NSUN3: variants seen among roughly 807,000 people sequenced by gnomAD.
NSUN3 encodes NOP2/Sun RNA methyltransferase 3.
NSUN3 carries 24 observed loss-of-function variants against 36.8 expected under a neutral mutation model. The ratio of observed to expected loss-of-function variants is 0.65; its 90% confidence interval spans 0.47 to 0.92. The LOEUF is 0.92. NSUN3 is among the 40% of genes least tolerant of loss of function. NSUN3 has a pLI of 0.00. For missense variants in NSUN3, 381 were observed against 392.8 expected (o/e 0.97, Z 0.25); for synonymous variants, 146 against 145.2 (o/e 1.01, Z -0.04).
chr3:94,085,372 T>C (rs2077287644), intron 3 of NSUN3: 1 of 152,240 alleles, frequency 6.6e-6, no homozygotes, highest in Non-Finnish European at 1.5e-5. Context: ...TACCTACTAC[T>C]AGAAGAGGCA....
chr3:94,068,582 A>G (rs2077213883), intron 2 of NSUN3, among the ~76,000 whole-genome samples: 1 of 152,202 alleles, frequency 6.6e-6, no homozygotes, highest in African/African-American at 2.4e-5. Flanking sequence ...TGTATGATTA[A>G]TTGGATAATT....
chr3:94,083,913 C>G (rs2077281451), intron 2 of NSUN3, among the ~76,000 whole-genome samples, 194 bp from the exon 3 acceptor site: 1 of 151,994 alleles, frequency 6.6e-6, no homozygotes, highest in Admixed American at 6.6e-5. Flanking sequence ...AAGACAGGAT[C>G]ATAACAATGC....
At chr3:94,069,405 G>A (rs138280237) in intron 2 of NSUN3, among the ~76,000 whole-genome samples, 1 of 152,286 alleles carries the variant, frequency 6.6e-6, no homozygotes, top group Admixed American at 6.5e-5. Flanking sequence ...TTTTAAAAGA[G>A]TTGAATGAGC....
intron 2 of NSUN3, among the ~76,000 whole-genome samples, chr3:94,074,867 A>T (rs371631065): frequency 3.3e-4 from 50 of 152,256 alleles, no homozygotes; most frequent in East Asian, 1.5e-3. Context: ...GAGAGAGGGC[A>T]TTCTTGTCTT....
intron 5 of NSUN3, among the ~76,000 whole-genome samples, chr3:94,103,310 G>A (rs969573431): frequency 6.6e-6 from 1 of 152,066 alleles, no homozygotes; most frequent in Admixed American, 6.6e-5. Flanking sequence ...CTATAATAGA[G>A]AGAACAGTTA....
At chr3:94,103,716 T>C (rs1401784094) in intron 5 of NSUN3, among the ~76,000 whole-genome samples, 2 of 152,178 alleles carry the variant, frequency 1.3e-5, no homozygotes, top group African/African-American at 4.8e-5. Context: ...CCTTCATTTA[T>C]TCAGGTAGTT....
chr3:94,110,112 G>A (rs2077409757), intron 5 of NSUN3, among the ~76,000 whole-genome samples: 1 of 151,966 alleles, frequency 6.6e-6, no homozygotes, highest in South Asian at 2.1e-4. Context: ...TTTTGCTTTT[G>A]GCTTAACTCC....
At chr3:94,095,409 T>C (rs1203325860) in intron 5 of NSUN3, among the ~76,000 whole-genome samples, 2 of 152,242 alleles carry the variant, frequency 1.3e-5, no homozygotes, top group African/African-American at 2.4e-5. Flanking sequence ...GCAATTTTAC[T>C]GTAGTTCAAA....
chr3:94,098,917 T>C lies in NSUN3; in HGVS notation c.743+3763T>C, dbSNP rs544213450. 6.6e-5 allele frequency among the ~76,000 whole-genome samples: 10 copies of C among 152,270 alleles called. No individual in the cohort carries two copies. In the South Asian group the frequency reaches 2.1e-3, roughly 32 times the overall value. ...TGTCAGTTCCTCTGCTACTCAATTA[T>C]CTAGTACGTGCCTCTCTTTTTGACA... On this transcript the variant is annotated intron_variant, in intron 5 of 5. Coordinates refer to ENST00000314622, the MANE Select transcript of NSUN3 (RefSeq NM_022072.5).
Position 94,127,869 on chromosome 3 carries a change from T to C in NSUN3, c.*1379T>C, listed in dbSNP as rs2107277851. 1 of 152,312 alleles carries C rather than the reference T, an allele frequency of 6.6e-6. No homozygotes were observed. Among genetic ancestry groups the C allele is most frequent in the Non-Finnish European group, 1.5e-5 (1 of 68,026 alleles). 9.4% of individuals were successfully genotyped at this position (152,312 alleles called of 1,614,324 possible). A position where few individuals can be genotyped will look rare whatever the true frequency, so the allele number is the denominator to read the frequency against. On this transcript the variant is annotated 3_prime_UTR_variant, in exon 6 of 6. Coordinates refer to ENST00000314622, the MANE Select transcript of NSUN3 (RefSeq NM_022072.5). ...GGAAGTCTTAGGAAGAATTTTTTTT[T>C]CTGTACCTTCAGTCTGTTAATCATT...
At chr3:94,084,832 C>A in intron 3 of NSUN3, 1 of 168,906 alleles carries the variant, frequency 5.9e-6, no homozygotes, top group Non-Finnish European at 1.3e-5. Context: ...TTTTTGATGT[C>A]AATAGACTAT....
rs542742411 is a variant in NSUN3, at chr3:94,090,463, G to A, written c.467-3677G>A. 5.9e-5 allele frequency among the ~76,000 whole-genome samples: 9 copies of A among 152,148 alleles called. No individual in the cohort carries two copies. The South Asian group carries it at 6.2e-4, about 11-fold the overall frequency. ...TGAAAAGCTGCCCTGATCTTCAGTC[G>A]TAATAATTTAAATATTCATTATTAT... On this transcript the variant is annotated intron_variant, in intron 3 of 5. Coordinates refer to ENST00000314622, the MANE Select transcript of NSUN3 (RefSeq NM_022072.5).
chr3:94,108,321 C>T (rs893891926), intron 5 of NSUN3, among the ~76,000 whole-genome samples: 7 of 152,060 alleles, frequency 4.6e-5, no homozygotes, highest in Non-Finnish European at 8.8e-5. Flanking sequence ...TCTTCCTGAC[C>T]TGCCTCTTAA....
chr3:94,118,629 A>T (rs753116638), intron 5 of NSUN3, among the ~76,000 whole-genome samples: 3 of 152,102 alleles, frequency 2.0e-5, no homozygotes, highest in Admixed American at 6.6e-5. Context: ...TTAATAGAGG[A>T]TACTATACTA....
intron 3 of NSUN3, among the ~76,000 whole-genome samples, chr3:94,087,192 T>A (rs2107249500): frequency 6.6e-6 from 1 of 152,340 alleles, no homozygotes; most frequent in East Asian, 1.9e-4. Flanking sequence ...GAAGTACAGA[T>A]GTCTTCATGC....
chr3:94,080,507 A>G (rs1485789412), intron 2 of NSUN3, among the ~76,000 whole-genome samples: 1 of 152,180 alleles, frequency 6.6e-6, no homozygotes, highest in Non-Finnish European at 1.5e-5. Flanking sequence ...AGCTGTGCCC[A>G]CAGCCGCCCC....
At position 94,084,221 on chromosome 3, in the gene NSUN3, G is replaced by A. The variant is rs577399999; in HGVS notation, c.237G>A (p.Gln79=). Reference sequence around the variant, plus strand: ...TGAAGGGCTATCACACACTCTCTCAGGGATCTTTACCCAACTATCCTAAAT... The same window carrying A: ...TGAAGGGCTATCACACACTCTCTCAAGGATCTTTACCCAACTATCCTAAAT... The part of the protein sequence containing the change: ...LHLKGYHTLS[Q]GSLPNYPKSV... Residue 79 remains glutamine, a synonymous_variant, in exon 3 of 6, where the codon CAG becomes CAA. Coordinates refer to ENST00000314622, the MANE Select transcript of NSUN3 (RefSeq NM_022072.5). 2.5e-5 allele frequency: 40 copies of A among 1,614,104 alleles called. No homozygotes were observed. In the South Asian group the frequency reaches 3.2e-4, roughly 13 times the overall value.
chr3:94,067,661 C>A (rs2077210515), intron 2 of NSUN3, among the ~76,000 whole-genome samples: 1 of 152,162 alleles, frequency 6.6e-6, no homozygotes, highest in African/African-American at 2.4e-5. Flanking sequence ...CACTATGTAC[C>A]AGTCAATGTT....
intron 2 of NSUN3, among the ~76,000 whole-genome samples, chr3:94,080,160 C>T (rs1407827243): frequency 6.6e-6 from 1 of 152,166 alleles, no homozygotes; most frequent in East Asian, 1.9e-4. Flanking sequence ...TTCCTTCTAA[C>T]AGTTGGGCCC....
Sources: gnomAD v4.1 joint callset for allele counts (sites outside exome capture counted in the v4.1 genomes callset) on GRCh38, gnomAD v4.1.1 for gene constraint, MANE v1.5 for transcripts, NCBI Gene and HGNC (gene_info 2026-07-23, HGNC 2026-07-21) for gene names.